SDK1: variants seen among roughly 807,000 people sequenced by gnomAD.
SDK1 encodes protein sidekick-1.
In SDK1, 157 loss-of-function variants were observed where a neutral mutation model predicts 245.5. The observed-to-expected ratio is 0.64, with a 90% CI of 0.56 to 0.73. The LOEUF is 0.73. SDK1 is among the 30% of genes least tolerant of loss of function. The pLI, the probability that SDK1 is intolerant of heterozygous loss-of-function variation, is 0.00. For missense variants in SDK1, 3,583 were observed against 3,002.3 expected (o/e 1.19, Z -4.52); for synonymous variants, 1,647 against 1,278.5 (o/e 1.29, Z -6.15).
intron 4 of SDK1, among the ~76,000 whole-genome samples, chr7:3,797,057 A>G (rs1375136484): frequency 6.8e-6 from 1 of 147,002 alleles, no homozygotes; most frequent in Non-Finnish European, 1.5e-5. Context: ...TGGGCTCTGG[A>G]GTGCAGTGGT....
chr7:3,575,827 A>C (rs535525670), intron 1 of SDK1, among the ~76,000 whole-genome samples: 3 of 152,038 alleles, frequency 2.0e-5, no homozygotes, highest in Non-Finnish European at 4.4e-5. Context: ...TCTTGTTACA[A>C]ACCAGGAGGC....
At chr7:3,650,014 GA>G (rs35857495) in intron 4 of SDK1, among the ~76,000 whole-genome samples, 34,110 of 143,194 alleles carry the variant, frequency 0.24, 4,627 homozygotes, top group South Asian at 0.32. Context: ...TTTTTGTTTT[GA>G]AAAAAAAAAA....
intron 1 of SDK1, among the ~76,000 whole-genome samples, chr7:3,545,302 C>G (rs951888663): frequency 1.3e-5 from 2 of 152,040 alleles, no homozygotes; most frequent in East Asian, 3.8e-4. Flanking sequence ...TGGTGGGGCA[C>G]ACCAAATAAA....
rs79723016 is a variant in SDK1, at chr7:3,530,156, C to A, written c.299-88924C>A. Among the ~76,000 whole-genome samples the A allele has an allele frequency of 1.1e-3, 172 of 152,156 alleles. 1 individual carries two copies. The highest frequency in any genetic ancestry group is 4.0e-3 in the African/African-American group (164 of 41,492). ...ACACTAGTCATACATAAAAAGGACC[C>A]ATTATATTAGCTCAAAATAGCAGTG... On this transcript the variant is annotated intron_variant, in intron 1 of 44. Transcript: ENST00000404826.
chr7:3,763,976 A>G (rs1014170783), intron 4 of SDK1, among the ~76,000 whole-genome samples: 5 of 152,102 alleles, frequency 3.3e-5, no homozygotes, highest in African/African-American at 1.2e-4. Context: ...GTCAAACCTA[A>G]CCCTAACCCA....
chr7:3,772,370 G>C (rs1780428369), intron 4 of SDK1, among the ~76,000 whole-genome samples: 1 of 151,820 alleles, frequency 6.6e-6, no homozygotes, highest in African/African-American at 2.4e-5. Context: ...ATTATACAAA[G>C]TGCTGCTCTT....
chr7:3,769,863 A>G (rs534068890), intron 4 of SDK1, among the ~76,000 whole-genome samples: 2 of 151,836 alleles, frequency 1.3e-5, no homozygotes, highest in South Asian at 2.1e-4. Context: ...CTGCTTGTTC[A>G]CAATAGGTAC....
intron 4 of SDK1, among the ~76,000 whole-genome samples, chr7:3,699,928 A>T (rs73302253): frequency 1.3e-5 from 2 of 152,158 alleles, no homozygotes; most frequent in African/African-American, 4.8e-5. Context: ...CTAAGGACAA[A>T]GAAAAAAAAT....
chr7:4,046,335 A>T lies in SDK1; in HGVS notation c.2603-3013A>T, dbSNP rs186629966. ...TCTTTTCATGAAGTCAGCTTTATTCATTTTTTTTCTTTTATGGATTATGTC... is the reference window on the plus strand; with the variant it reads ...TCTTTTCATGAAGTCAGCTTTATTCTTTTTTTTTCTTTTATGGATTATGTC... On this transcript the variant is annotated intron_variant, in intron 17 of 44. Transcript: ENST00000404826. Among the ~76,000 whole-genome samples the T allele has an allele frequency of 2.6e-5, 4 of 151,090 alleles. No homozygotes were observed. In the East Asian group the frequency reaches 7.8e-4, roughly 30 times the overall value.
intron 4 of SDK1, among the ~76,000 whole-genome samples, chr7:3,650,843 A>G (rs1460063284): frequency 7.0e-6 from 1 of 142,174 alleles, no homozygotes; most frequent in East Asian, 2.0e-4. Context: ...TTTTTTTTTA[A>G]CTTAGTATAA....
intron 4 of SDK1, chr7:3,642,968 A>C (rs1051693513): frequency 6.6e-6 from 1 of 152,258 alleles, no homozygotes; most frequent in African/African-American, 2.4e-5. Context: ...CAAAAAGAAT[A>C]TGTGTGAGGT....
intron 1 of SDK1, among the ~76,000 whole-genome samples, chr7:3,488,778 C>T (rs1781780151): frequency 6.6e-6 from 1 of 152,136 alleles, no homozygotes; most frequent in Non-Finnish European, 1.5e-5. Flanking sequence ...CAATTCTTCC[C>T]TACTCAATCT....
At position 3,489,990 on chromosome 7, in the gene SDK1, C is replaced by T. The variant is rs80198240; in HGVS notation, c.299-129090C>T. Reference sequence around the variant, plus strand: ...TTGTCAAGATGGGTTTTTTTTTCCCCTCGTGCTTACTGGTTATGTGTTTGC... The same window carrying T: ...TTGTCAAGATGGGTTTTTTTTTCCCTTCGTGCTTACTGGTTATGTGTTTGC... On this transcript the variant is annotated intron_variant, in intron 1 of 44. Transcript: ENST00000404826. 5.6e-3 allele frequency among the ~76,000 whole-genome samples: 859 copies of T among 152,082 alleles called. 13 individuals are homozygous for T. Among genetic ancestry groups the T allele is most frequent in the African/African-American group, 0.02 (813 of 41,508 alleles).
At chr7:3,860,982 G>A (rs1327986909) in intron 5 of SDK1, among the ~76,000 whole-genome samples, 2 of 152,076 alleles carry the variant, frequency 1.3e-5, no homozygotes, top group African/African-American at 4.8e-5. Context: ...TCAGTCTTCT[G>A]GGCAGCTGTC....
At chr7:3,941,199 A>G (rs1780355828) in intron 5 of SDK1, among the ~76,000 whole-genome samples, 1 of 151,972 alleles carries the variant, frequency 6.6e-6, no homozygotes, top group African/African-American at 2.4e-5. Context: ...CCCTTCTGTC[A>G]TACTCACCCC....
intron 1 of SDK1, among the ~76,000 whole-genome samples, chr7:3,533,069 T>C (rs560528270): frequency 1.3e-5 from 2 of 152,332 alleles, no homozygotes; most frequent in Non-Finnish European, 2.9e-5. Context: ...ATTATACATG[T>C]ATTAGATCAG....
intron 5 of SDK1, among the ~76,000 whole-genome samples, chr7:3,908,778 G>C (rs1373505644): frequency 6.6e-6 from 1 of 152,084 alleles, no homozygotes; most frequent in Non-Finnish European, 1.5e-5. Context: ...TGTCTAGAGC[G>C]GGAGTCAGGA....
At chr7:3,871,350 C>A (rs12690804) in intron 5 of SDK1, among the ~76,000 whole-genome samples, 10 of 152,086 alleles carry the variant, frequency 6.6e-5, no homozygotes, top group African/African-American at 2.4e-4. Flanking sequence ...TAGACAATCA[C>A]TTCATCTGTG....
chr7:3,572,255 T>C (rs755370517), intron 1 of SDK1, among the ~76,000 whole-genome samples: 8 of 152,094 alleles, frequency 5.3e-5, no homozygotes. Context: ...GTCAGACCTT[T>C]AGTTTGTTTA....
Sources: allele counts gnomAD v4.1 joint callset (sites outside exome capture counted in the v4.1 genomes callset), GRCh38; gene constraint gnomAD v4.1.1; transcripts MANE v1.5; gene names NCBI Gene and HGNC (gene_info 2026-07-23, HGNC 2026-07-21).